Variants in DNAH17 observed in about 807,000 individuals in gnomAD.
DNAH17 encodes the protein axonemal beta dynein heavy chain 17.
DNAH17 carries 376 observed loss-of-function variants against 485.6 expected under a neutral mutation model. That is an observed-to-expected ratio of 0.77 (90% CI 0.71 to 0.84). The LOEUF (loss-of-function observed/expected upper bound fraction) is 0.84, where lower values mean the gene tolerates loss of function less well. Ranked by LOEUF, DNAH17 falls within the 40% of genes least tolerant of loss-of-function variation. The probability of loss-of-function intolerance (pLI) is 0.00; values close to 1 mark genes in which losing one functional copy is unlikely to be tolerated. For synonymous variants in DNAH17, 3,031 were observed against 2,405.9 expected (o/e 1.26, Z -7.60); for missense variants, 6,370 against 5,839.3 (o/e 1.09, Z -2.96).
chr17:78,452,004 T>C (rs1478199512), intron 65 of DNAH17, among the ~76,000 whole-genome samples: 1 of 151,800 alleles, frequency 6.6e-6, no homozygotes, highest in Non-Finnish European at 1.5e-5. Flanking sequence ...ATTTACAACA[T>C]TCGTCCATTC....
chr17:78,574,165 G>A (rs2092400641), intron 2 of DNAH17, among the ~76,000 whole-genome samples: 1 of 152,140 alleles, frequency 6.6e-6, no homozygotes, highest in Non-Finnish European at 1.5e-5. Flanking sequence ...AGACTTCAAG[G>A]GCACGAGCAC....
intron 35 of DNAH17, 88 bp downstream of exon 35, chr17:78,501,096 C>A: frequency 6.9e-7 from 1 of 1,444,076 alleles, no homozygotes; most frequent in Non-Finnish European, 9.3e-7. Context: ...CCAGCCTCCA[C>A]AGCTGACCTC....
chr17:78,430,834 A>G (rs1156240387), intron 75 of DNAH17, among the ~76,000 whole-genome samples: 22 of 150,792 alleles, frequency 1.5e-4, no homozygotes, highest in Admixed American at 1.5e-3. Flanking sequence ...TGCCTGCCTC[A>G]GCCTCCCAAA....
rs1034958336 is a variant in DNAH17 at position 78,449,075 on chromosome 17, AC to A, written c.11211+338del. On this transcript the variant is annotated intron_variant, in intron 69 of 80. Coordinates refer to ENST00000389840, the MANE Select transcript of DNAH17 (RefSeq NM_173628.4). Reference sequence around the variant, plus strand: ...ACTTATTTCTTAAGAAACATCAGTCACCCCACAGTGGGCTAAGCACTAATGC... The same window carrying A: ...ACTTATTTCTTAAGAAACATCAGTCACCCACAGTGGGCTAAGCACTAATGC... 2.5e-3 allele frequency among the ~76,000 whole-genome samples: 377 copies of A among 152,262 alleles called. 4 individuals are homozygous for A. The highest frequency in any genetic ancestry group is 0.022 in the Admixed American group (338 of 15,288).
Position 78,463,083 on chromosome 17 carries a change from A to C in DNAH17, c.8941-6T>G. ...ATGGAGGCCTTGACTTCCCACTACA[A>C]AGATGAGACAGCCAGTCATCCCTGG... On this transcript the variant is annotated splice_region_variant and splice_polypyrimidine_tract_variant and intron_variant, in intron 56 of 80. Coordinates refer to ENST00000389840, the MANE Select transcript of DNAH17 (RefSeq NM_173628.4). The C allele has an allele frequency of 6.2e-7, 1 of 1,612,898 alleles. No individual in the cohort carries two copies. The highest frequency in any genetic ancestry group is 8.5e-7 in the Non-Finnish European group (1 of 1,179,068).
At chr17:78,450,036 AG>A in intron 68 of DNAH17, 1 of 575,876 alleles carries the variant, frequency 1.7e-6, no homozygotes, top group Non-Finnish European at 3.1e-6. Flanking sequence ...AGCAGGGAGG[AG>A]GGAGCAGCTC....
intron 25 of DNAH17, among the ~76,000 whole-genome samples, chr17:78,516,235 T>C (rs2090775418): frequency 6.6e-6 from 1 of 152,244 alleles, no homozygotes; most frequent in African/African-American, 2.4e-5. Context: ...CTAGTGTGTT[T>C]TGGAGAGTTT....
rs554960738 is a variant in DNAH17 at position 78,558,222 on chromosome 17, C to T, written c.2064G>A (p.Leu688=). 6.2e-7 allele frequency: 1 copy of T among 1,613,800 alleles called. No homozygotes were observed. The highest frequency in any genetic ancestry group is 1.3e-5 in the African/African-American group (1 of 75,050). The change falls in exon 14 of 81, where the codon TTG becomes TTA. Residue 688 remains leucine (L), a synonymous_variant. Coordinates refer to ENST00000389840, the MANE Select transcript of DNAH17 (RefSeq NM_173628.4). ...LVAVLREVKY[L]NFQQQKEIPD... is the part of the protein sequence containing the mutation. The stretch of plus-strand genomic sequence containing the variant: ...GAATCTCTTTCTGTTGCTGGAAATT[C>T]AAATACTTGACTTCTCTCAGAACTG...
rs148798900 is a variant in DNAH17, at chr17:78,515,337, C to T, written c.3865-315G>A. Among the ~76,000 whole-genome samples the T allele has an allele frequency of 7.0e-3, 1,071 of 152,130 alleles. 16 individuals are homozygous for T. Among genetic ancestry groups the T allele is most frequent in the African/African-American group, 0.025 (1,022 of 41,490 alleles). On this transcript the variant is annotated intron_variant, in intron 25 of 80. Coordinates refer to ENST00000389840, the MANE Select transcript of DNAH17 (RefSeq NM_173628.4). ...CAGCCTGACCAACATGGTGAAACCC[C>T]GTCTGTACTAAAAATACAAAAATTA...
At chr17:78,494,485 G>C in intron 40 of DNAH17, 108 bp downstream of exon 40, 1 of 1,277,038 alleles carries the variant, frequency 7.8e-7, no homozygotes, top group Non-Finnish European at 1.1e-6. Context: ...TTGTAGCATC[G>C]GGAAACGTGC....
At chr17:78,477,572 T>C (rs2146603597) in intron 51 of DNAH17, among the ~76,000 whole-genome samples, 1 of 152,192 alleles carries the variant, frequency 6.6e-6, no homozygotes, top group African/African-American at 2.4e-5. Flanking sequence ...AGACACAGGG[T>C]TTCACCATGT....
intron 54 of DNAH17, among the ~76,000 whole-genome samples, chr17:78,470,810 T>C (rs372794038): frequency 6.6e-6 from 1 of 152,208 alleles, no homozygotes; most frequent in Non-Finnish European, 1.5e-5. Context: ...TGAATAAATA[T>C]ACTGCAGGCT....
At position 78,459,822 on chromosome 17, in the gene DNAH17, G is replaced by A. The variant is rs761705148; in HGVS notation, c.9615C>T (p.Asp3205=). The part of the protein sequence containing the change: ...DTFLDSLKKF[D]KEHIPEACLK... ...GGCAGGCCTCAGGGATGTGCTCCTT[G>A]TCGAACTTCTTCAGGGAGTCTAGGA... The change falls in exon 60 of 81, where the codon GAC becomes GAT. Residue 3205 remains aspartate (D), a synonymous_variant. Coordinates refer to ENST00000389840, the MANE Select transcript of DNAH17 (RefSeq NM_173628.4). The A allele has an allele frequency of 1.9e-6, 3 of 1,614,074 alleles. No individual in the cohort carries two copies. The highest frequency in any genetic ancestry group is 2.5e-6 in the Non-Finnish European group (3 of 1,179,906).
intron 26 of DNAH17, 133 bp downstream of exon 26, chr17:78,514,641 A>G: frequency 7.9e-7 from 1 of 1,269,374 alleles, no homozygotes. Flanking sequence ...TTGTGCACGA[A>G]GCCAGCCCTG....
At chr17:78,481,403 C>T (rs1188182449) in intron 48 of DNAH17, among the ~76,000 whole-genome samples, 1 of 152,150 alleles carries the variant, frequency 6.6e-6, no homozygotes, top group African/African-American at 2.4e-5. Flanking sequence ...AAACCCTCCA[C>T]AGATACTGAT....
At chr17:78,529,167 C>T (rs1422588658) in intron 22 of DNAH17, among the ~76,000 whole-genome samples, 1 of 152,088 alleles carries the variant, frequency 6.6e-6, no homozygotes, top group Non-Finnish European at 1.5e-5. Context: ...GTCTCAAACT[C>T]GAGCTCAGGC....
chr17:78,467,282 T>A (rs1267764195), intron 55 of DNAH17, among the ~76,000 whole-genome samples: 2 of 152,220 alleles, frequency 1.3e-5, no homozygotes, highest in African/African-American at 4.8e-5. Context: ...TCTGGCTAGA[T>A]AAGGACCTCC....
rs1436136278 is a variant in DNAH17, at chr17:78,444,730, T to C, written c.11402A>G (p.Lys3801Arg). 1.9e-6 allele frequency: 3 copies of C among 1,606,244 alleles called. No individual in the cohort carries two copies. The South Asian group carries it at 3.3e-5, about 18-fold the overall frequency. The change falls in exon 71 of 81, where the codon AAA (lysine) becomes AGA (arginine). Residue 3801 changes from lysine to arginine, a missense_variant. Physicochemically the swap from Lys to Arg is conservative, Grantham distance 26 (BLOSUM62 2). Transcript: ENST00000389840. ...GGGGGCTTCCGACTCCACCAGCTTTTTCCAGCGCTTGGCAGATCCTTCGAT... is the reference window on the plus strand; with the variant it reads ...GGGGGCTTCCGACTCCACCAGCTTTCTCCAGCGCTTGGCAGATCCTTCGAT... Reference protein sequence around the residue: ...SDIEGSAKRWKKLVESEAPEK... With the variant: ...SDIEGSAKRWRKLVESEAPEK...
At position 78,451,343 on chromosome 17, in the gene DNAH17, G is replaced by A; in HGVS notation, c.10734+126C>T. The A allele has an allele frequency of 7.3e-6, 6 of 817,310 alleles. No homozygotes were observed. The South Asian group carries it at 9.0e-5, about 12-fold the overall frequency. The allele number at this position is 817,310 out of a possible 1,614,324, so 50.6% of individuals were successfully genotyped here. ...CTGTGATGCCGTGGGACACACTGAG[G>A]CACCTTCAGAGAGAAGCAACGACAC... is the stretch of plus-strand genomic sequence containing the variant. On this transcript the variant is annotated intron_variant, in intron 66 of 80. Coordinates refer to ENST00000389840, the MANE Select transcript of DNAH17 (RefSeq NM_173628.4).
Sources: allele counts gnomAD v4.1 joint callset (sites outside exome capture counted in the v4.1 genomes callset), GRCh38; gene constraint gnomAD v4.1.1; transcripts MANE v1.5; gene names NCBI Gene and HGNC (gene_info 2026-07-23, HGNC 2026-07-21).